CTNNA2: variants seen among roughly 807,000 people sequenced by gnomAD.
The protein encoded by CTNNA2 is catenin alpha-2.
In CTNNA2, 42 loss-of-function variants were observed where a neutral mutation model predicts 101.0. The ratio of observed to expected loss-of-function variants is 0.42; its 90% CI spans 0.32 to 0.54. The LOEUF (loss-of-function observed/expected upper bound fraction) is 0.54, where lower values mean the gene tolerates loss of function less well. CTNNA2 is among the 20% of genes least tolerant of loss of function. The pLI, the probability that CTNNA2 is intolerant of heterozygous loss-of-function variation, is 0.14. For synonymous variants in CTNNA2, 450 were observed against 456.4 expected (o/e 0.99, Z 0.18); for missense variants, 871 against 1,223.1 (o/e 0.71, Z 4.29).
intron 1 of CTNNA2, among the ~76,000 whole-genome samples, chr2:79,535,929 T>A (rs936509123): frequency 1.3e-5 from 2 of 152,170 alleles, no homozygotes; most frequent in Admixed American, 6.5e-5. Context: ...ATATCACTAA[T>A]GTTTGTGGAA....
chr2:80,234,372 A>G (rs1056089766), intron 7 of CTNNA2, among the ~76,000 whole-genome samples: 3 of 152,188 alleles, frequency 2.0e-5, no homozygotes, highest in African/African-American at 7.2e-5. Flanking sequence ...GAAGGTATTA[A>G]TCTTCGTAGA....
At chr2:79,314,964 G>A (rs565219124) in intron 3 of CTNNA2, among the ~76,000 whole-genome samples, 1 of 152,254 alleles carries the variant, frequency 6.6e-6, no homozygotes, top group East Asian at 1.9e-4. Context: ...GCACATTTTG[G>A]AAAATGGAAA....
chr2:80,146,639 A>G (rs1431605287), intron 7 of CTNNA2, among the ~76,000 whole-genome samples: 1 of 151,550 alleles, frequency 6.6e-6, no homozygotes, highest in Non-Finnish European at 1.5e-5. Flanking sequence ...TGGTTAACCA[A>G]GAAGATTGAT....
At chr2:79,519,964 T>C (rs1001720863) in intron 1 of CTNNA2, among the ~76,000 whole-genome samples, 1 of 152,224 alleles carries the variant, frequency 6.6e-6, no homozygotes, top group Admixed American at 6.5e-5. Context: ...TAATGTTTAT[T>C]TAAGAAATTA....
At chr2:79,829,732 A>ATTTATTTATTTATTTAT (rs1265471631) in intron 3 of CTNNA2, among the ~76,000 whole-genome samples, 9 of 101,254 alleles carry the variant, frequency 8.9e-5, no homozygotes, top group African/African-American at 3.1e-4. Flanking sequence ...TTATTTATTT[A>ATTTATTTATTTATTTAT]TTTTTGAGAC....
At position 79,818,895 on chromosome 2, in the gene CTNNA2, G is replaced by GCACACACACACACA. The variant is rs56218833; in HGVS notation, c.299-39105_299-39092dup. Among the ~76,000 whole-genome samples, 571 of 125,500 alleles carry GCACACACACACACA rather than the reference G, an allele frequency of 4.5e-3. 3 individuals carry two copies. Among genetic ancestry groups the GCACACACACACACA allele is most frequent in the African/African-American group, 0.017 (552 of 32,360 alleles). The allele number at this position is 125,500 out of a possible 152,430, so 82.3% of individuals were successfully genotyped here. On this transcript the variant is annotated intron_variant, in intron 3 of 18. Transcript: ENST00000402739. ...AGTAAACTCAAGCAAAGCACTAATA[G>GCACACACACACACA]CACACACACACACACACACACACAC...
chr2:79,336,970 C>T (rs890581607), intron 3 of CTNNA2, among the ~76,000 whole-genome samples: 1 of 152,170 alleles, frequency 6.6e-6, no homozygotes, highest in Non-Finnish European at 1.5e-5. Flanking sequence ...CCCGTCTTCC[C>T]TGAGATCAAG....
chr2:80,061,112 T>G (rs886072666), intron 7 of CTNNA2, among the ~76,000 whole-genome samples: 2 of 152,158 alleles, frequency 1.3e-5, no homozygotes, highest in African/African-American at 4.8e-5. Flanking sequence ...AAACCTCTAT[T>G]TCAGAGTATG....
chr2:80,145,145 C>A (rs1703256720), intron 7 of CTNNA2, among the ~76,000 whole-genome samples: 2 of 152,130 alleles, frequency 1.3e-5, no homozygotes. Context: ...ATAAGAAAAT[C>A]TCCTTAGTTA....
At chr2:80,102,191 C>T (rs1264794094) in intron 7 of CTNNA2, among the ~76,000 whole-genome samples, 2 of 152,136 alleles carry the variant, frequency 1.3e-5, no homozygotes, top group Admixed American at 6.5e-5. Flanking sequence ...AGTATTACAA[C>T]TAATGTTTCA....
chr2:80,510,182 T>G (rs1482651296), intron 9 of CTNNA2, among the ~76,000 whole-genome samples: 1 of 152,186 alleles, frequency 6.6e-6, no homozygotes, highest in Non-Finnish European at 1.5e-5. Context: ...TACTTAAACT[T>G]TTTTAGTCTG....
intron 2 of CTNNA2, among the ~76,000 whole-genome samples, chr2:79,214,202 T>C (rs56289181): frequency 0.2 from 30,790 of 152,140 alleles, 3,716 homozygotes; most frequent in African/African-American, 0.33. Context: ...ATGGGGGCTG[T>C]CTGTGAAGCT....
chr2:80,315,144 A>G (rs1677981441), intron 7 of CTNNA2, among the ~76,000 whole-genome samples: 2 of 152,166 alleles, frequency 1.3e-5, no homozygotes, highest in South Asian at 2.1e-4. Context: ...ATTGAAGAAA[A>G]GGAGGGAAAA....
chr2:80,052,292 A>C (rs574291150), intron 7 of CTNNA2, among the ~76,000 whole-genome samples: 1 of 152,346 alleles, frequency 6.6e-6, no homozygotes, highest in African/African-American at 2.4e-5. Context: ...CCTTCTGTAT[A>C]TCTCAAGTAA....
chr2:79,695,077 T>A lies in CTNNA2; in HGVS notation c.102+43419T>A, dbSNP rs566904055. ...AAAGAAATCTTCTCTTTCACATTAC[T>A]TTTTTTTTTTTAATGTTACATTTGA... is the stretch of plus-strand genomic sequence containing the variant. On this transcript the variant is annotated intron_variant, in intron 2 of 18. Transcript: ENST00000402739. Among the ~76,000 whole-genome samples the A allele has an allele frequency of 4.3e-3, 452 of 104,562 alleles. 1 individual carries two copies. The highest frequency in any genetic ancestry group is 0.012 in the African/African-American group (426 of 35,170). The allele number at this position is 104,562 out of a possible 152,430, so 68.6% of individuals were successfully genotyped here. A position where few individuals can be genotyped will look rare whatever the true frequency, so the allele number is the denominator to read the frequency against.
intron 7 of CTNNA2, among the ~76,000 whole-genome samples, chr2:80,380,279 T>A (rs1360917681): frequency 3.9e-5 from 6 of 152,162 alleles, no homozygotes; most frequent in East Asian, 1.9e-4. Context: ...TTTGTGATCC[T>A]CCCACCTTGG....
At chr2:80,629,199 C>G (rs920893706) in intron 18 of CTNNA2, among the ~76,000 whole-genome samples, 3 of 152,044 alleles carry the variant, frequency 2.0e-5, no homozygotes, top group African/African-American at 7.2e-5. Context: ...TATATCATGT[C>G]TACCCCAAGG....
intron 3 of CTNNA2, among the ~76,000 whole-genome samples, chr2:79,746,707 C>T (rs1671676931): frequency 6.6e-6 from 1 of 152,134 alleles, no homozygotes; most frequent in Non-Finnish European, 1.5e-5. Flanking sequence ...ATATATGCTG[C>T]CTCTTTCACA....
At chr2:79,210,309 A>C (rs957164613) in intron 2 of CTNNA2, among the ~76,000 whole-genome samples, 4 of 152,220 alleles carry the variant, frequency 2.6e-5, no homozygotes, top group Non-Finnish European at 5.9e-5. Context: ...AAGAAAAAAA[A>C]CTAGACACAG....
Sources: gnomAD v4.1 joint callset for allele counts (sites outside exome capture counted in the v4.1 genomes callset) on GRCh38, gnomAD v4.1.1 for gene constraint, MANE v1.5 for transcripts, NCBI Gene and HGNC (gene_info 2026-07-23, HGNC 2026-07-21) for gene names.